The following CENPE variants were observed in gnomAD, a reference collection of about 807,000 sequenced individuals.
The protein encoded by CENPE is centromere protein E, also known as centromere-associated protein E.
CENPE carries 145 observed loss-of-function variants against 336.1 expected under a neutral mutation model. That is an observed-to-expected ratio of 0.43 (90% CI 0.38 to 0.50). CENPE has a LOEUF of 0.50. Among genes scored for constraint, CENPE ranks in the 20% least tolerant of loss-of-function variants. CENPE has a pLI of 0.00. For missense variants in CENPE, 2,719 were observed against 3,023.3 expected, an observed-to-expected ratio of 0.90 and a Z score of 2.36; for synonymous variants, 1,013 against 984.8, an observed-to-expected ratio of 1.03 and a Z score of -0.54.
In CENPE at chr4:103,142,877, A is replaced by C. The variant is rs537231415; in HGVS notation, c.5304+371T>G. 6.6e-5 allele frequency among the ~76,000 whole-genome samples: 10 copies of C among 151,936 alleles called. No homozygotes were observed. The South Asian group carries it at 2.1e-3, about 32-fold the overall frequency. On this transcript the variant is annotated intron_variant, in intron 34 of 48. Coordinates refer to ENST00000265148, the MANE Select transcript of CENPE (RefSeq NM_001813.3). ...ACAAAAATTAGCTGGGTGTGATGAC[A>C]TGCATCTGTAATCCTAGTTACTTGG...
rs111892113 is a variant in CENPE, at chr4:103,142,968, C to T, written c.5304+280G>A. Among the ~76,000 whole-genome samples, 238 of 135,838 alleles carry T rather than the reference C, an allele frequency of 1.8e-3. 2 individuals carry two copies. The highest frequency in any genetic ancestry group is 6.1e-3 in the African/African-American group (222 of 36,400). 89.1% of individuals were successfully genotyped at this position (135,838 alleles called of 152,430 possible). ...ACATTGCAGTGAGCCGAGATCATGCCGTTGCACTCCAGGCGACAGAGCGAG... is the reference window on the plus strand; with the variant it reads ...ACATTGCAGTGAGCCGAGATCATGCTGTTGCACTCCAGGCGACAGAGCGAG... On this transcript the variant is annotated intron_variant, in intron 34 of 48. Coordinates refer to ENST00000265148, the MANE Select transcript of CENPE (RefSeq NM_001813.3).
intron 8 of CENPE, among the ~76,000 whole-genome samples, chr4:103,186,714 T>C (rs1037389744): frequency 1.3e-4 from 20 of 152,244 alleles, no homozygotes; most frequent in African/African-American, 4.3e-4. Flanking sequence ...ATAAGAAACA[T>C]GTTGTGATAA....
intron 8 of CENPE, among the ~76,000 whole-genome samples, chr4:103,189,993 C>T (rs1757154286): frequency 6.6e-6 from 1 of 152,082 alleles, no homozygotes; most frequent in African/African-American, 2.4e-5. Context: ...TCTTATACAC[C>T]AATAACAGAC....
Position 103,144,381 on chromosome 4 carries a change from T to G in CENPE, c.5095A>C (p.Lys1699Gln). The change falls in exon 33 of 49, where the codon AAA (lysine) becomes CAA (glutamine). Residue 1699 changes from lysine (K) to glutamine (Q), a missense_variant. By Grantham distance (53) the Lys-to-Gln change is moderately conservative. This residue lies in a region of CENPE where 2,437 missense variants were observed against 2,513.3 expected (regional missense o/e 0.97). Coordinates refer to ENST00000265148, the MANE Select transcript of CENPE (RefSeq NM_001813.3). ...DDLRSVEETL[K>Q]VERDQLKENL... ...TCCTTGAGCTGGTCTCTCTCTACTT[T>G]GAGAGTCTCCTCCACACTCCTAAGG... The G allele has an allele frequency of 6.2e-7, 1 of 1,613,390 alleles. No homozygotes were observed. Among genetic ancestry groups the G allele is most frequent in the East Asian group, 2.2e-5 (1 of 44,866 alleles).
At position 103,132,822 on chromosome 4, in the gene CENPE, C is replaced by T. The variant is rs759019112; in HGVS notation, c.6795G>A (p.Arg2265=). 4.4e-6 allele frequency: 7 copies of T among 1,586,142 alleles called. 1 individual carries two copies. In the South Asian group the frequency reaches 5.7e-5, roughly 13 times the overall value. ...KTEFQQVLSN[R]KEMTQFLEEW... Reference sequence around the variant, plus strand: ...CTTCCAAAAACTGTGTCATTTCTTTCCTATTACTTAGTACTTGTTGAAATT... The same window carrying T: ...CTTCCAAAAACTGTGTCATTTCTTTTCTATTACTTAGTACTTGTTGAAATT... The change falls in exon 42 of 49, where the codon AGG becomes AGA. Residue 2265 remains arginine, a synonymous_variant. Coordinates refer to ENST00000265148, the MANE Select transcript of CENPE (RefSeq NM_001813.3).
chr4:103,116,161 T>C (rs1750091687), intron 45 of CENPE, among the ~76,000 whole-genome samples: 1 of 151,404 alleles, frequency 6.6e-6, no homozygotes, highest in Admixed American at 6.6e-5. Flanking sequence ...AACTATAAAC[T>C]AAAAGGAAAT....
rs1463921256 is a variant in CENPE, at chr4:103,149,262, C to G, written c.3543G>C (p.Arg1181Ser). The change falls in exon 27 of 49, where the codon AGG becomes AGC. Residue 1181 changes from arginine (R) to serine (S), a missense_variant. By Grantham distance (110) the Arg-to-Ser change is moderately radical (BLOSUM62 -1). Around this residue, in one of 5 missense-constraint regions of CENPE, gnomAD observed 2,437 missense variants for 2,513.3 expected, o/e 0.97. Coordinates refer to ENST00000265148, the MANE Select transcript of CENPE (RefSeq NM_001813.3). ...ELTLEHMETE[R>S]LELAQKLNEN... is the part of the protein sequence containing the mutation. The stretch of plus-strand genomic sequence containing the variant: ...CATTAAGTTTCTGAGCCAACTCAAG[C>G]CTCTCTGTTTCCATATGTTCCAATG... The G allele has an allele frequency of 6.2e-7, 1 of 1,613,090 alleles. No homozygotes were observed. Among genetic ancestry groups the G allele is most frequent in the Non-Finnish European group, 8.5e-7 (1 of 1,179,842 alleles).
In CENPE at chr4:103,188,246, A is replaced by T. The variant is rs187034582; in HGVS notation, c.694-2385T>A. On this transcript the variant is annotated intron_variant, in intron 8 of 48. Transcript: ENST00000265148. ...CGTTAGACAGATCAACGAGACAGAA[A>T]GTTAACAAAGATATCCAGGAATTGA... Among the ~76,000 whole-genome samples the T allele has an allele frequency of 4.0e-3, 610 of 152,338 alleles. 3 individuals carry two copies. Among genetic ancestry groups the T allele is most frequent in the African/African-American group, 0.014 (576 of 41,564 alleles).
At chr4:103,188,600 C>A (rs1757012725) in intron 8 of CENPE, among the ~76,000 whole-genome samples, 1 of 152,026 alleles carries the variant, frequency 6.6e-6, no homozygotes, top group South Asian at 2.1e-4. Flanking sequence ...CCAATGAGAA[C>A]AAAGACACAA....
In CENPE at chr4:103,133,853, G is replaced by A. The variant is rs773715703; in HGVS notation, c.6562C>T (p.His2188Tyr). ...SYVTKIKEEQ[H>Y]ESINKFEMDF... Reference sequence around the variant, plus strand: ...ATTTCAAATTTATTGATGGATTCATGTTGTTCTTCTTTTATTTTTGTAACA... The same window carrying A: ...ATTTCAAATTTATTGATGGATTCATATTGTTCTTCTTTTATTTTTGTAACA... Residue 2188 changes from histidine to tyrosine, a missense_variant, in exon 41 of 49, where the codon CAT (histidine) becomes TAT (tyrosine). This residue lies in a region of CENPE where 2,437 missense variants were observed against 2,513.3 expected (regional missense o/e 0.97). Coordinates refer to ENST00000265148, the MANE Select transcript of CENPE (RefSeq NM_001813.3). 1.6e-5 allele frequency: 25 copies of A among 1,595,500 alleles called. No homozygotes were observed. The Admixed American group carries it at 3.9e-4, about 25-fold the overall frequency.
chr4:103,120,148 C>T lies in CENPE; in HGVS notation c.7329G>A (p.Gln2443=). The change falls in exon 44 of 49, where the codon CAG becomes CAA. Residue 2443 remains glutamine (Q), a splice_region_variant and synonymous_variant. Transcript: ENST00000265148. The part of the protein sequence containing the change: ...EKTKETIQVL[Q]DKVALGAKPY... ...ACTTTTATTTTTATGTTTAAGTTAC[C>T]TGAAGTACTTGAATTGTCTCTTTTG... 6.3e-7 allele frequency: 1 copy of T among 1,585,568 alleles called. No individual in the cohort carries two copies. Among genetic ancestry groups the T allele is most frequent in the East Asian group, 2.2e-5 (1 of 44,554 alleles).
At chr4:103,150,511 G>C (rs1483261070) in intron 26 of CENPE, among the ~76,000 whole-genome samples, 1 of 152,068 alleles carries the variant, frequency 6.6e-6, no homozygotes, top group Admixed American at 6.5e-5. Flanking sequence ...TGAACCCAGG[G>C]GGGGTTGAGG....
chr4:103,143,192 A>G, intron 34 of CENPE, 56 bp downstream of exon 34: 2 of 1,266,782 alleles, frequency 1.6e-6, no homozygotes, highest in Non-Finnish European at 1.1e-6. Flanking sequence ...TTGTTTCATT[A>G]CACAAAAAGT....
rs1162471401 is a variant in CENPE, at chr4:103,116,637, T to C, written c.7382A>G (p.Lys2461Arg). 1.3e-6 allele frequency: 2 copies of C among 1,596,752 alleles called. No homozygotes were observed. Among genetic ancestry groups the C allele is most frequent in the Non-Finnish European group, 8.5e-7 (1 of 1,174,348 alleles). ...TAGGTCTATTTTCACAAGCTTCATT[T>C]TGAGATCTTCAATTTCTTCTTTATA... ...KPYKEEIEDL[K>R]MKLVKIDLEK... is the part of the protein sequence containing the mutation. The change falls in exon 45 of 49, where the codon AAA becomes AGA. Residue 2461 changes from lysine to arginine, a missense_variant. Lys to Arg is a conservative substitution (Grantham distance 26). Around this residue, in one of 5 missense-constraint regions of CENPE, gnomAD observed 2,437 missense variants for 2,513.3 expected, o/e 0.97. Transcript: ENST00000265148.
chr4:103,153,231 T>G lies in CENPE; in HGVS notation c.3053A>C (p.Lys1018Thr). The G allele has an allele frequency of 6.2e-7, 1 of 1,610,798 alleles. No individual in the cohort carries two copies. The highest frequency in any genetic ancestry group is 8.5e-7 in the Non-Finnish European group (1 of 1,178,326). ...GGTATTTTTAGCTTCCAAATCCTGT[T>G]TTTTATCTATGCCAACCATCTAAAA... is the stretch of plus-strand genomic sequence containing the variant. ...FQQKMVGIDK[K>T]QDLEAKNTQT... Residue 1018 changes from lysine (K) to threonine (T), a missense_variant, in exon 25 of 49, where the codon AAA becomes ACA. Transcript: ENST00000265148.
At chr4:103,132,956 T>TTATA (rs1427112228) in intron 41 of CENPE, 60 bp from the exon 42 acceptor site, 16 of 159,586 alleles carry the variant, frequency 1.0e-4, no homozygotes, top group Non-Finnish European at 1.5e-4. Flanking sequence ...TCCAAATATT[T>TTATA]TATTTATATA....
intron 42 of CENPE, among the ~76,000 whole-genome samples, chr4:103,124,067 T>C (rs1750882162): frequency 6.6e-6 from 1 of 152,246 alleles, no homozygotes; most frequent in Non-Finnish European, 1.5e-5. Flanking sequence ...ACTAATCTCT[T>C]ACTGTGTCTA....
intron 32 of CENPE, 75 bp downstream of exon 32, chr4:103,144,973 CTT>C (rs1183563321): frequency 1.4e-5 from 19 of 1,316,796 alleles, no homozygotes; most frequent in Non-Finnish European, 1.8e-5. Context: ...ATTAATAAAA[CTT>C]AACATGAACA....
rs1391855455 is a variant in CENPE at position 103,193,763 on chromosome 4, CA to C, written c.693+465del. ...AGTCTAAAGTACTACGTTTACAATA[CA>C]AAATATATTTTATTGTTGTACTTAA... On this transcript the variant is annotated intron_variant, in intron 8 of 48. Coordinates refer to ENST00000265148, the MANE Select transcript of CENPE (RefSeq NM_001813.3). 2.0e-5 allele frequency among the ~76,000 whole-genome samples: 3 copies of C among 152,028 alleles called. No individual in the cohort carries two copies. In the East Asian group the frequency reaches 5.8e-4, roughly 29 times the overall value.
Sources: allele counts gnomAD v4.1 joint callset (sites outside exome capture counted in the v4.1 genomes callset), GRCh38; gene constraint gnomAD v4.1.1; regional missense constraint gnomAD v4.1.1; transcripts MANE v1.5; gene names NCBI Gene and HGNC (gene_info 2026-07-23, HGNC 2026-07-21).